The following PRP4K variants were observed in gnomAD, a reference collection of about 807,000 sequenced individuals.
The protein encoded by PRP4K is serine/threonine-protein kinase PRP4 homolog.
At chr6:4,046,128 G>T in the PRP4K span, among the ~76,000 whole-genome samples, 4 of 152,164 alleles carry the variant, frequency 2.6e-5, no homozygotes, top group Non-Finnish European at 4.4e-5. Flanking sequence ...TTTAATTCTT[G>T]GCCACTGTGT....
the PRP4K span, chr6:4,042,335 G>C: frequency 5.1e-6 from 3 of 592,714 alleles, no homozygotes; most frequent in Admixed American, 7.7e-5. Context: ...TCCAAACCAG[G>C]CAGTTAACTG....
At chr6:4,021,574 G>A in the PRP4K span, 1 of 1,462,684 alleles carries the variant, frequency 6.8e-7, no homozygotes, top group South Asian at 1.2e-5. Flanking sequence ...GTCAAACTTT[G>A]CTTTTTCCGG....
chr6:4,022,798 A>G, the PRP4K span, among the ~76,000 whole-genome samples: 2 of 152,214 alleles, frequency 1.3e-5, no homozygotes, highest in Non-Finnish European at 2.9e-5. Context: ...GTGTGGCACA[A>G]TTACAGTGTT....
the PRP4K span, among the ~76,000 whole-genome samples, chr6:4,035,963 C>T: frequency 6.6e-6 from 1 of 151,848 alleles, no homozygotes; most frequent in Non-Finnish European, 1.5e-5. Context: ...AAAACTCCAT[C>T]TCAAAAAATA....
At chr6:4,021,556 C>G in the PRP4K span, 1 of 1,516,646 alleles carries the variant, frequency 6.6e-7, no homozygotes, top group Non-Finnish European at 8.9e-7. Context: ...TCGGGCCTAA[C>G]GGCGAGAGTC....
At chr6:4,060,762 T>C in the PRP4K span, 1 of 756,538 alleles carries the variant, frequency 1.3e-6, no homozygotes, top group Non-Finnish European at 2.1e-6. The surrounding 1 kb of genome is among the most constrained non-coding windows in gnomAD (Gnocchi z 4.7). Context: ...AAGGGTGATA[T>C]TTCTTTTAGA....
chr6:4,027,238 C>T, the PRP4K span, among the ~76,000 whole-genome samples: 1 of 152,240 alleles, frequency 6.6e-6, no homozygotes, highest in East Asian at 1.9e-4. Context: ...TAGGCAAGTC[C>T]CTTGAAACTC....
chr6:4,054,210 T>A, the PRP4K span, among the ~76,000 whole-genome samples: 1 of 152,126 alleles, frequency 6.6e-6, no homozygotes, highest in African/African-American at 2.4e-5. Context: ...CCAAGATAAA[T>A]TCTTTAAAAA....
chr6:4,022,327 A>G, the PRP4K span, among the ~76,000 whole-genome samples: 1 of 151,218 alleles, frequency 6.6e-6, no homozygotes, highest in Non-Finnish European at 1.5e-5. Flanking sequence ...ATACGAGTGT[A>G]TGCTGCAAAG....
chr6:4,061,463 T>C, the PRP4K span: 1 of 152,690 alleles, frequency 6.5e-6, no homozygotes, highest in Non-Finnish European at 1.5e-5. Flanking sequence ...ATAGAAACGA[T>C]GCGTAGTTTT....
the PRP4K span, chr6:4,032,477 T>TAA: frequency 6.2e-7 from 1 of 1,613,948 alleles, no homozygotes; most frequent in Non-Finnish European, 8.5e-7. Context: ...CTGAAACTGA[T>TAA]AAAGAAAAGA....
At chr6:4,030,650 T>G in the PRP4K span, among the ~76,000 whole-genome samples, 1 of 152,242 alleles carries the variant, frequency 6.6e-6, no homozygotes, top group Non-Finnish European at 1.5e-5. Flanking sequence ...CCCACTTTAT[T>G]TATTTATTTC....
chr6:4,044,232 T>C, the PRP4K span: 3 of 527,750 alleles, frequency 5.7e-6, no homozygotes, highest in Non-Finnish European at 1.0e-5. Context: ...CTGAATAGTA[T>C]ACTGAACTCT....
At chr6:4,021,977 G>C in the PRP4K span, among the ~76,000 whole-genome samples, 1 of 152,232 alleles carries the variant, frequency 6.6e-6, no homozygotes, top group Non-Finnish European at 1.5e-5. Context: ...CACACTCTCT[G>C]GCCATCCCAG....
At chr6:4,033,945 G>A in the PRP4K span, among the ~76,000 whole-genome samples, 2 of 151,928 alleles carry the variant, frequency 1.3e-5, no homozygotes, top group Non-Finnish European at 2.9e-5. Context: ...TGTTTGAAGA[G>A]CAAATTCTGA....
the PRP4K span, chr6:4,049,648 T>A: frequency 7.3e-7 from 1 of 1,361,884 alleles, no homozygotes; most frequent in South Asian, 1.4e-5. Context: ...TTTAACACAA[T>A]TTTTAAATGA....
At chr6:4,053,162 C>T in the PRP4K span, among the ~76,000 whole-genome samples, 2 of 152,074 alleles carry the variant, frequency 1.3e-5, no homozygotes, top group African/African-American at 4.8e-5. Context: ...TAATGAGTTT[C>T]TTCTGTTATC....
the PRP4K span, among the ~76,000 whole-genome samples, chr6:4,022,549 T>C: frequency 6.6e-6 from 1 of 151,402 alleles, no homozygotes; most frequent in African/African-American, 2.4e-5. Flanking sequence ...TCCCAGCAAC[T>C]TGTGACTGAG....
At chr6:4,034,035 T>G in the PRP4K span, among the ~76,000 whole-genome samples, 2 of 152,172 alleles carry the variant, frequency 1.3e-5, no homozygotes, top group Non-Finnish European at 2.9e-5. Flanking sequence ...TACTTACTTA[T>G]TAAAGAGAAA....
Sources: gnomAD v4.1 joint callset for allele counts (sites outside exome capture counted in the v4.1 genomes callset) on GRCh38, gnomAD v4.1.1 for gene constraint, Gnocchi (gnomAD v3.1) non-coding constraint, MANE v1.5 for transcripts, NCBI Gene and HGNC (gene_info 2026-07-23, HGNC 2026-07-21) for gene names.